Variants in HS6ST3 observed in about 807,000 individuals in gnomAD.
The protein encoded by HS6ST3 is heparan-sulfate 6-O-sulfotransferase 3.
HS6ST3 carries 12 observed loss-of-function variants against 36.7 expected under a neutral mutation model. That is an observed-to-expected ratio of 0.33 (90% CI 0.21 to 0.53). The LOEUF (loss-of-function observed/expected upper bound fraction) is 0.53. Ranked by LOEUF, HS6ST3 falls within the 20% of genes least tolerant of loss-of-function variation. The pLI, the probability that HS6ST3 is intolerant of heterozygous loss-of-function variation, is 0.95. For synonymous variants in HS6ST3, 240 were observed against 257.5 expected, an observed-to-expected ratio of 0.93 and a Z score of 0.65; for missense variants, 584 against 640.9, an observed-to-expected ratio of 0.91 and a Z score of 0.96.
intron 1 of HS6ST3, among the ~76,000 whole-genome samples, chr13:96,654,454 A>G (rs759087765): frequency 3.9e-5 from 6 of 152,160 alleles, no homozygotes; most frequent in Non-Finnish European, 5.9e-5. Flanking sequence ...AACACGATTT[A>G]TTAAACAGGG....
chr13:96,567,379 T>C (rs2056285172), intron 1 of HS6ST3, among the ~76,000 whole-genome samples: 1 of 152,156 alleles, frequency 6.6e-6, no homozygotes, highest in South Asian at 2.1e-4. Context: ...GGAGACTACT[T>C]TTCTGAAGGT....
At chr13:96,807,543 C>T (rs893455777) in intron 1 of HS6ST3, among the ~76,000 whole-genome samples, 2 of 152,178 alleles carry the variant, frequency 1.3e-5, no homozygotes, top group Admixed American at 6.5e-5. Context: ...GAAACACCAA[C>T]GATTGCCAGC....
chr13:96,731,707 G>A (rs1247056024), intron 1 of HS6ST3, among the ~76,000 whole-genome samples: 1 of 151,606 alleles, frequency 6.6e-6, no homozygotes, highest in Non-Finnish European at 1.5e-5. Context: ...CTCCCAGGCT[G>A]GAGTGCAGTA....
At chr13:96,474,383 C>T (rs547971533) in intron 1 of HS6ST3, among the ~76,000 whole-genome samples, 12 of 152,026 alleles carry the variant, frequency 7.9e-5, no homozygotes, top group South Asian at 4.2e-4. Context: ...TGTGTTCAAA[C>T]GGATAGGAAA....
chr13:96,494,440 T>TG (rs2055963449), intron 1 of HS6ST3, among the ~76,000 whole-genome samples: 1 of 150,804 alleles, frequency 6.6e-6, no homozygotes, highest in Non-Finnish European at 1.5e-5. Context: ...ACACCTAACA[T>TG]TAAATGACGA....
At chr13:96,774,877 T>C (rs1186234211) in intron 1 of HS6ST3, among the ~76,000 whole-genome samples, 1 of 152,024 alleles carries the variant, frequency 6.6e-6, no homozygotes, top group Non-Finnish European at 1.5e-5. Flanking sequence ...AGACACATAA[T>C]TGTCAGATTC....
intron 1 of HS6ST3, among the ~76,000 whole-genome samples, chr13:96,540,289 C>T (rs979010144): frequency 9.2e-5 from 14 of 152,240 alleles, no homozygotes; most frequent in Admixed American, 8.5e-4. Flanking sequence ...AGCTACTTTC[C>T]AAGACAAATT....
intron 1 of HS6ST3, among the ~76,000 whole-genome samples, chr13:96,749,506 C>T (rs535629509): frequency 1.7e-4 from 26 of 152,158 alleles, no homozygotes; most frequent in African/African-American, 5.3e-4. Context: ...TGTATGTGTA[C>T]GTTCATGAGT....
intron 1 of HS6ST3, among the ~76,000 whole-genome samples, chr13:96,789,114 A>G (rs920382870): frequency 6.6e-6 from 1 of 151,528 alleles, no homozygotes; most frequent in African/African-American, 2.4e-5. Context: ...GCTCTCTGCT[A>G]GATTACTTGA....
intron 1 of HS6ST3, among the ~76,000 whole-genome samples, chr13:96,522,129 GGTT>G (rs1428486733): frequency 2.0e-5 from 3 of 152,170 alleles, no homozygotes; most frequent in Non-Finnish European, 2.9e-5. Flanking sequence ...TTCAGAAGCA[GGTT>G]GTTCAGTTTC....
chr13:96,258,532 A>G (rs2054648657), intron 1 of HS6ST3, among the ~76,000 whole-genome samples: 1 of 152,186 alleles, frequency 6.6e-6, no homozygotes, highest in Non-Finnish European at 1.5e-5. Context: ...TGTCTATGAA[A>G]TGGGATTGGC....
chr13:96,495,690 T>C (rs1405667456), intron 1 of HS6ST3, among the ~76,000 whole-genome samples: 2 of 152,170 alleles, frequency 1.3e-5, no homozygotes, highest in African/African-American at 2.4e-5. Flanking sequence ...GGAGTGTAAT[T>C]GATGTGACTT....
At chr13:96,301,454 A>G (rs1267155790) in intron 1 of HS6ST3, among the ~76,000 whole-genome samples, 1 of 152,158 alleles carries the variant, frequency 6.6e-6, no homozygotes, top group African/African-American at 2.4e-5. Flanking sequence ...ATGGGAAGAA[A>G]GCTTTGCTCT....
chr13:96,804,384 G>T (rs1274471398), intron 1 of HS6ST3, among the ~76,000 whole-genome samples: 1 of 152,068 alleles, frequency 6.6e-6, no homozygotes, highest in African/African-American at 2.4e-5. Context: ...TAAGGGTGTG[G>T]CCGGGAGCTT....
chr13:96,117,921 G>A (rs1446754577), intron 1 of HS6ST3, among the ~76,000 whole-genome samples: 1 of 151,692 alleles, frequency 6.6e-6, no homozygotes, highest in African/African-American at 2.4e-5. Context: ...CCAGGCTGGA[G>A]TGCGGTGGCC....
intron 1 of HS6ST3, among the ~76,000 whole-genome samples, chr13:96,136,798 T>A (rs1294737719): frequency 6.6e-6 from 1 of 151,518 alleles, no homozygotes; most frequent in African/African-American, 2.4e-5. Context: ...GATATTTGCA[T>A]TTGCAATGAG....
At chr13:96,771,113 A>T (rs1877252192) in intron 1 of HS6ST3, among the ~76,000 whole-genome samples, 1 of 152,138 alleles carries the variant, frequency 6.6e-6, no homozygotes, top group South Asian at 2.1e-4. Context: ...TTGAGTATAT[A>T]CCCAGTAATG....
intron 1 of HS6ST3, among the ~76,000 whole-genome samples, chr13:96,601,046 T>C (rs1468884431): frequency 6.6e-6 from 1 of 152,172 alleles, no homozygotes; most frequent in South Asian, 2.1e-4. Flanking sequence ...ATTAGTCTCA[T>C]AGGTTTTTCC....
intron 1 of HS6ST3, among the ~76,000 whole-genome samples, chr13:96,635,134 A>G (rs914627785): frequency 6.6e-6 from 1 of 151,870 alleles, no homozygotes; most frequent in African/African-American, 2.4e-5. Flanking sequence ...TGGGTTCCCT[A>G]TTTTCAGTCT....
Sources: gnomAD v4.1 joint callset for allele counts (sites outside exome capture counted in the v4.1 genomes callset) on GRCh38, gnomAD v4.1.1 for gene constraint, MANE v1.5 for transcripts, NCBI Gene and HGNC (gene_info 2026-07-23, HGNC 2026-07-21) for gene names.